CSMD1: variants seen among roughly 807,000 people sequenced by gnomAD.
CSMD1 encodes the protein CUB and Sushi multiple domains 1.
A neutral mutation model predicts 417.5 loss-of-function variants in CSMD1; 213 were observed. The observed-to-expected ratio is 0.51, with a 90% confidence interval of 0.46 to 0.57. The LOEUF is 0.57. CSMD1 is among the 20% of genes least tolerant of loss of function. CSMD1 has a pLI of 0.00. For missense variants in CSMD1, 6,923 were observed against 4,529.7 expected, an observed-to-expected ratio of 1.53 and a Z score of -15.17; for synonymous variants, 2,862 against 1,736.8, an observed-to-expected ratio of 1.65 and a Z score of -16.11.
intron 12 of CSMD1, among the ~76,000 whole-genome samples, chr8:3,427,110 C>G (rs1341880303): frequency 6.6e-6 from 1 of 152,188 alleles, no homozygotes; most frequent in Admixed American, 6.5e-5. Flanking sequence ...GATCACTCTA[C>G]TTGGCCTCTC....
intron 1 of CSMD1, among the ~76,000 whole-genome samples, chr8:4,979,169 C>T (rs1450927051): frequency 2.0e-5 from 3 of 152,114 alleles, no homozygotes; most frequent in Non-Finnish European, 4.4e-5. Context: ...TGTACAAGTT[C>T]AAATGATGAA....
At chr8:4,725,907 AG>A (rs898990236) in intron 1 of CSMD1, among the ~76,000 whole-genome samples, 26 of 151,992 alleles carry the variant, frequency 1.7e-4, no homozygotes, top group African/African-American at 6.0e-4. Flanking sequence ...TTCACATTCC[AG>A]GGGGGGTTAC....
chr8:3,886,435 C>G (rs1393593793), intron 5 of CSMD1, among the ~76,000 whole-genome samples: 1 of 152,178 alleles, frequency 6.6e-6, no homozygotes, highest in Non-Finnish European at 1.5e-5. Context: ...ATCGATTTAA[C>G]ATATTCTTTA....
At chr8:3,025,164 T>C (rs1809769529) in intron 51 of CSMD1, among the ~76,000 whole-genome samples, 1 of 149,530 alleles carries the variant, frequency 6.7e-6, no homozygotes, top group African/African-American at 2.5e-5. Flanking sequence ...CTGTGTATTG[T>C]GTGGTGTTAT....
intron 62 of CSMD1, among the ~76,000 whole-genome samples, 193 bp downstream of exon 62, chr8:2,960,948 A>G (rs1171732172): frequency 2.4e-4 from 24 of 100,886 alleles, no homozygotes; most frequent in African/African-American, 1.3e-3. Flanking sequence ...AGATATATAT[A>G]TATATATATA....
rs1189517874 is a variant in CSMD1 at position 3,772,459 on chromosome 8, A to ATAT, written c.819-18418_819-18417insATA. On this transcript the variant is annotated intron_variant, in intron 5 of 69. Coordinates refer to ENST00000635120, the MANE Select transcript of CSMD1 (RefSeq NM_033225.6). Reference sequence around the variant, plus strand: ...TACATTTATATATACACATATATATACATATATACACATATATATACATAT... The same window carrying ATAT: ...TACATTTATATATACACATATATATATATCATATATACACATATATATACATAT... Among the ~76,000 whole-genome samples, 306 of 74,100 alleles carry ATAT rather than the reference A, an allele frequency of 4.1e-3. 45 individuals carry two copies. Among genetic ancestry groups the ATAT allele is most frequent in the East Asian group, 5.4e-3 (16 of 2,986 alleles). 48.6% of individuals were successfully genotyped at this position (74,100 alleles called of 152,430 possible).
chr8:4,927,371 A>G (rs1806940884), intron 1 of CSMD1, among the ~76,000 whole-genome samples: 1 of 152,212 alleles, frequency 6.6e-6, no homozygotes, highest in South Asian at 2.1e-4. Context: ...TGCATTATTT[A>G]ATCTAATCTT....
chr8:3,751,290 T>C (rs1797323784), intron 6 of CSMD1, among the ~76,000 whole-genome samples: 1 of 137,916 alleles, frequency 7.3e-6, no homozygotes, highest in African/African-American at 2.6e-5. Context: ...TCCTTATATA[T>C]ACAATTGAAG....
At chr8:4,645,601 G>A (rs981632819) in intron 1 of CSMD1, among the ~76,000 whole-genome samples, 2 of 152,114 alleles carry the variant, frequency 1.3e-5, no homozygotes, top group African/African-American at 4.8e-5. Flanking sequence ...TGACGAGGCT[G>A]CCCATTTTGC....
At chr8:4,661,210 C>G (rs916927532) in intron 1 of CSMD1, among the ~76,000 whole-genome samples, 1 of 152,130 alleles carries the variant, frequency 6.6e-6, no homozygotes, top group Non-Finnish European at 1.5e-5. Context: ...ACTGAAACAG[C>G]CCAGATGTCC....
At chr8:3,862,756 TG>T (rs2129106624) in intron 5 of CSMD1, among the ~76,000 whole-genome samples, 1 of 152,298 alleles carries the variant, frequency 6.6e-6, no homozygotes, top group Admixed American at 6.5e-5. Flanking sequence ...ATGTTTGTTT[TG>T]CCACTGACGA....
intron 42 of CSMD1, among the ~76,000 whole-genome samples, chr8:3,112,600 A>G (rs2129016686): frequency 6.6e-6 from 1 of 152,308 alleles, no homozygotes; most frequent in Middle Eastern, 3.4e-3. Flanking sequence ...CTCACTCAAC[A>G]AGTATCTACT....
intron 3 of CSMD1, among the ~76,000 whole-genome samples, chr8:4,116,185 G>A (rs1183777735): frequency 2.0e-5 from 3 of 151,750 alleles, no homozygotes; most frequent in South Asian, 2.1e-4. Flanking sequence ...GTACAGACGG[G>A]GTTTCCCCAT....
intron 3 of CSMD1, among the ~76,000 whole-genome samples, chr8:4,032,964 G>A (rs957987559): frequency 3.3e-5 from 5 of 151,994 alleles, no homozygotes; most frequent in Admixed American, 1.3e-4. Flanking sequence ...CCTCAATTCC[G>A]ATACGAAACA....
intron 2 of CSMD1, among the ~76,000 whole-genome samples, chr8:4,533,794 T>G (rs991633539): frequency 3.3e-5 from 5 of 151,752 alleles, no homozygotes; most frequent in African/African-American, 9.7e-5. Flanking sequence ...GTAATTTTTC[T>G]GTGCTTCTAT....
intron 1 of CSMD1, among the ~76,000 whole-genome samples, chr8:4,881,411 A>ATGTCTGTC (rs1554509736): frequency 1.5e-5 from 2 of 134,792 alleles, no homozygotes; most frequent in South Asian, 2.7e-4. Flanking sequence ...CCTAGTATAC[A>ATGTCTGTC]TATCTATCTA....
chr8:3,992,971 A>G (rs1814873711), intron 5 of CSMD1, among the ~76,000 whole-genome samples: 1 of 152,264 alleles, frequency 6.6e-6, no homozygotes, highest in Non-Finnish European at 1.5e-5. Context: ...AGAAAGATGG[A>G]AACGGCCACA....
At chr8:3,259,035 G>T (rs962435815) in intron 26 of CSMD1, among the ~76,000 whole-genome samples, 5 of 152,070 alleles carry the variant, frequency 3.3e-5, no homozygotes, top group Non-Finnish European at 7.4e-5. Context: ...TAGGCACAAA[G>T]GTACTCCAGA....
intron 6 of CSMD1, among the ~76,000 whole-genome samples, chr8:3,751,575 A>G (rs1797345436): frequency 6.6e-6 from 1 of 150,716 alleles, no homozygotes; most frequent in African/African-American, 2.4e-5. Context: ...GTTTAATTCT[A>G]TAATGTAGTT....
Sources: gnomAD v4.1 joint callset for allele counts (sites outside exome capture counted in the v4.1 genomes callset) on GRCh38, gnomAD v4.1.1 for gene constraint, MANE v1.5 for transcripts, NCBI Gene and HGNC (gene_info 2026-07-23, HGNC 2026-07-21) for gene names.